The following PSTPIP2 variants were observed in gnomAD, a reference collection of about 807,000 sequenced individuals.
The protein encoded by PSTPIP2 is proline-serine-threonine phosphatase interacting protein 2.
A neutral mutation model predicts 63.3 loss-of-function variants in PSTPIP2; 33 were observed. The observed-to-expected ratio is 0.52, with a 90% CI of 0.40 to 0.70. PSTPIP2 has a LOEUF of 0.70. PSTPIP2 is among the 30% of genes least tolerant of loss of function. The pLI is 0.00. For missense variants in PSTPIP2, 312 were observed against 400.7 expected (o/e 0.78, Z 1.89); for synonymous variants, 125 against 132.7 (o/e 0.94, Z 0.40).
At chr18:45,990,838 G>T in intron 12 of PSTPIP2, 82 bp from the exon 13 acceptor site, 2 of 1,213,474 alleles carry the variant, frequency 1.6e-6, no homozygotes, top group Non-Finnish European at 2.4e-6. Context: ...CAAGCCTATT[G>T]TACTCTAATC....
intron 2 of PSTPIP2, chr18:46,028,807 A>T (rs1907686292): frequency 6.9e-7 from 1 of 1,439,552 alleles, no homozygotes; most frequent in African/African-American, 1.4e-5. Flanking sequence ...AGAGACTAAT[A>T]AGCTGAAAAC....
chr18:45,993,003 G>A (rs1344952002), intron 10 of PSTPIP2, among the ~76,000 whole-genome samples: 1 of 152,174 alleles, frequency 6.6e-6, no homozygotes, highest in African/African-American at 2.4e-5. Flanking sequence ...TGGGATTACA[G>A]GTGTAAGCCA....
chr18:46,049,704 A>AC (rs1394430493), intron 1 of PSTPIP2, among the ~76,000 whole-genome samples: 2 of 152,222 alleles, frequency 1.3e-5, no homozygotes, highest in South Asian at 2.1e-4. Flanking sequence ...ACATGGCGAA[A>AC]CCCCGTCTCT....
At chr18:46,028,076 G>T (rs1175046585) in intron 2 of PSTPIP2, among the ~76,000 whole-genome samples, 1 of 152,174 alleles carries the variant, frequency 6.6e-6, no homozygotes, top group Non-Finnish European at 1.5e-5. Context: ...CAGAAGAATC[G>T]CTTGAACCCG....
At chr18:46,067,502 C>A (rs1180767849) in intron 1 of PSTPIP2, among the ~76,000 whole-genome samples, 726 of 117,894 alleles carry the variant, frequency 6.2e-3, no homozygotes, top group East Asian at 7.5e-3. Flanking sequence ...GACTCTGTCT[C>A]AAAAAAAAAA....
intron 1 of PSTPIP2, among the ~76,000 whole-genome samples, chr18:46,049,300 G>A (rs1908500251): frequency 1.3e-5 from 2 of 151,968 alleles, no homozygotes; most frequent in Non-Finnish European, 2.9e-5. Context: ...ACACACTGGG[G>A]CCTTTTGGAG....
chr18:46,008,790 A>G (rs2051760622), intron 5 of PSTPIP2, among the ~76,000 whole-genome samples: 1 of 152,104 alleles, frequency 6.6e-6, no homozygotes, highest in African/African-American at 2.4e-5. Context: ...TTGTCATGCT[A>G]CAGACAGTTA....
At chr18:46,048,349 A>G (rs1043086792) in intron 1 of PSTPIP2, among the ~76,000 whole-genome samples, 7 of 152,356 alleles carry the variant, frequency 4.6e-5, no homozygotes, top group Middle Eastern at 3.4e-3. Flanking sequence ...TGACAACTCA[A>G]TTCTAGCCAA....
chr18:46,004,280 T>C (rs1246247898), intron 6 of PSTPIP2, among the ~76,000 whole-genome samples: 2 of 152,184 alleles, frequency 1.3e-5, no homozygotes, highest in Non-Finnish European at 2.9e-5. Flanking sequence ...CTATCAACAC[T>C]GGTGACACTT....
chr18:46,022,105 C>T (rs1907385596), intron 3 of PSTPIP2, among the ~76,000 whole-genome samples: 1 of 151,970 alleles, frequency 6.6e-6, no homozygotes. Flanking sequence ...TCATTTAAAA[C>T]ATCAAAAATA....
intron 1 of PSTPIP2, among the ~76,000 whole-genome samples, chr18:46,057,121 G>T (rs1239156728): frequency 6.6e-6 from 1 of 151,850 alleles, no homozygotes; most frequent in African/African-American, 2.4e-5. Context: ...AAAAACTACT[G>T]AGGGTTTTTT....
rs763265781 is a variant in PSTPIP2, at chr18:46,024,642, G to C, written c.179C>G (p.Ser60Cys). The change falls in exon 3 of 15, where the codon TCT becomes TGT. Residue 60 changes from serine (S) to cysteine (C), a missense_variant. Coordinates refer to ENST00000409746, the MANE Select transcript of PSTPIP2 (RefSeq NM_024430.4). ...ERYGKDLLNL[S>C]RKKPCGQSEI... is the part of the protein sequence containing the mutation. ...AGACTGTCCACACGGCTTCTTCCTA[G>C]AGAGGTTGAGCAGATCTTTGCCATA... 4.3e-6 allele frequency: 7 copies of C among 1,614,140 alleles called. No individual in the cohort carries two copies. Among genetic ancestry groups the C allele is most frequent in the Non-Finnish European group, 5.1e-6 (6 of 1,179,992 alleles).
intron 2 of PSTPIP2, among the ~76,000 whole-genome samples, chr18:46,027,115 G>A (rs1907604361): frequency 6.6e-6 from 1 of 151,878 alleles, no homozygotes; most frequent in Non-Finnish European, 1.5e-5. Flanking sequence ...CCAACATGGT[G>A]AAACCCTGCC....
intron 5 of PSTPIP2, chr18:46,010,964 T>C: frequency 4.0e-6 from 2 of 500,960 alleles, no homozygotes; most frequent in Non-Finnish European, 7.1e-6. Context: ...GCTGGACCTC[T>C]GAATCCTATG....
In PSTPIP2 at chr18:46,039,929, G is replaced by A; in HGVS notation, c.134+18C>T. On this transcript the variant is annotated intron_variant, in intron 2 of 14. Transcript: ENST00000409746. ...ATCTTGGCCCACCCTCTTCAGAGAG[G>A]ACAGAGCATCATCGTACCTTTCTTT... 6.3e-7 allele frequency: 1 copy of A among 1,590,102 alleles called. No individual in the cohort carries two copies. The highest frequency in any genetic ancestry group is 8.6e-7 in the Non-Finnish European group (1 of 1,158,402).
intron 1 of PSTPIP2, among the ~76,000 whole-genome samples, chr18:46,045,310 ACCATGGAATACTATGCTG>A (rs1908344402): frequency 1.3e-5 from 2 of 152,328 alleles, no homozygotes; most frequent in African/African-American, 4.8e-5. Flanking sequence ...GCACATATAC[ACCATGGAATACTATGCTG>A]CCATAAAAAA....
intron 13 of PSTPIP2, among the ~76,000 whole-genome samples, chr18:45,990,238 T>C (rs1427648390): frequency 6.6e-6 from 1 of 152,212 alleles, no homozygotes; most frequent in Non-Finnish European, 1.5e-5. Flanking sequence ...GGATAAGCTA[T>C]AAAATAGACC....
chr18:46,033,429 A>G lies in PSTPIP2; in HGVS notation c.134+6518T>C, dbSNP rs560503280. Reference sequence around the variant, plus strand: ...GAAGACAATGTGGGCTGGGCATGGTAGCTCACACCTATAATCCCAGCACTT... The same window carrying G: ...GAAGACAATGTGGGCTGGGCATGGTGGCTCACACCTATAATCCCAGCACTT... On this transcript the variant is annotated intron_variant, in intron 2 of 14. Coordinates refer to ENST00000409746, the MANE Select transcript of PSTPIP2 (RefSeq NM_024430.4). Among the ~76,000 whole-genome samples the G allele has an allele frequency of 5.9e-5, 9 of 152,224 alleles. No individual in the cohort carries two copies. In the South Asian group the frequency reaches 1.0e-3, roughly 18 times the overall value.
intron 2 of PSTPIP2, among the ~76,000 whole-genome samples, chr18:46,025,367 A>G (rs1165578854): frequency 6.6e-6 from 1 of 152,216 alleles, no homozygotes; most frequent in Non-Finnish European, 1.5e-5. Context: ...AAAGGTAGAC[A>G]GTCTAAAACA....
Sources: allele counts gnomAD v4.1 joint callset (sites outside exome capture counted in the v4.1 genomes callset), GRCh38; gene constraint gnomAD v4.1.1; transcripts MANE v1.5; gene names NCBI Gene and HGNC (gene_info 2026-07-23, HGNC 2026-07-21).